Variants in C9 observed in about 807,000 individuals in gnomAD.
C9 encodes the protein complement C9.
A neutral mutation model predicts 65.4 loss-of-function variants in C9; 63 were observed. The observed-to-expected ratio is 0.96, with a 90% CI of 0.79 to 1.19. The LOEUF (loss-of-function observed/expected upper bound fraction) is 1.19. Ranked by LOEUF, C9 falls within the 50% of genes most tolerant of loss-of-function variation. C9 has a pLI of 0.00. For synonymous variants in C9, 229 were observed against 227.9 expected (o/e 1.00, Z -0.04); for missense variants, 744 against 670.1 (o/e 1.11, Z -1.22).
chr5:39,288,161 T>C (rs553808900), intron 10 of C9, among the ~76,000 whole-genome samples: 1 of 151,834 alleles, frequency 6.6e-6, no homozygotes, highest in African/African-American at 2.4e-5. Context: ...TACATACATA[T>C]TTAGTACAAG....
intron 5 of C9, among the ~76,000 whole-genome samples, chr5:39,317,332 G>A (rs145241951): frequency 0.029 from 4,485 of 152,194 alleles, 201 homozygotes; most frequent in African/African-American, 0.1. Context: ...CTTTTGCCGT[G>A]CAGAAGCTCT....
At chr5:39,296,678 C>T (rs1255765953) in intron 9 of C9, among the ~76,000 whole-genome samples, 1 of 151,296 alleles carries the variant, frequency 6.6e-6, no homozygotes, top group African/African-American at 2.4e-5. Flanking sequence ...ACAGTAGCCA[C>T]ATGGATAAAT....
intron 9 of C9, among the ~76,000 whole-genome samples, chr5:39,299,128 T>C (rs1753238245): frequency 6.6e-6 from 1 of 151,876 alleles, no homozygotes; most frequent in Non-Finnish European, 1.5e-5. Flanking sequence ...GACAATGCAA[T>C]AATGCAAGAA....
chr5:39,291,780 T>C (rs1389599361), intron 9 of C9, among the ~76,000 whole-genome samples: 1 of 151,788 alleles, frequency 6.6e-6, no homozygotes, highest in African/African-American at 2.4e-5. Context: ...ATAAAAAGCA[T>C]GATAAAAGAG....
intron 9 of C9, among the ~76,000 whole-genome samples, chr5:39,301,196 A>G (rs1356154704): frequency 1.3e-5 from 2 of 152,170 alleles, no homozygotes. Flanking sequence ...CTTCTGTAGT[A>G]TTCTTGCCAA....
chr5:39,308,777 T>C (rs1753425282), intron 7 of C9, among the ~76,000 whole-genome samples: 1 of 152,190 alleles, frequency 6.6e-6, no homozygotes, highest in South Asian at 2.1e-4. Context: ...GTCCATATTG[T>C]CCTCATTGTA....
intron 5 of C9, among the ~76,000 whole-genome samples, chr5:39,316,530 G>A (rs1315322584): frequency 6.6e-6 from 1 of 152,008 alleles, no homozygotes; most frequent in Non-Finnish European, 1.5e-5. Context: ...CCCAGTGAGT[G>A]TTTTTTCCCT....
chr5:39,295,356 A>T (rs1753166054), intron 9 of C9, among the ~76,000 whole-genome samples: 2 of 151,866 alleles, frequency 1.3e-5, no homozygotes, highest in Admixed American at 6.6e-5. Context: ...GACTTTAGTA[A>T]ATCTGCAGAA....
At chr5:39,319,112 G>C (rs1405370480) in intron 5 of C9, among the ~76,000 whole-genome samples, 1 of 151,832 alleles carries the variant, frequency 6.6e-6, no homozygotes, top group Non-Finnish European at 1.5e-5. Context: ...CAAAACATAG[G>C]CCTCAGGTTG....
intron 4 of C9, among the ~76,000 whole-genome samples, chr5:39,333,953 G>T (rs372990011): frequency 5.3e-5 from 8 of 152,246 alleles, no homozygotes; most frequent in African/African-American, 1.9e-4. Context: ...GCGTGATCTC[G>T]GCTCGCTGCA....
chr5:39,297,840 T>C (rs992840552), intron 9 of C9, among the ~76,000 whole-genome samples: 4 of 151,706 alleles, frequency 2.6e-5, no homozygotes, highest in African/African-American at 9.7e-5. Flanking sequence ...TATCAACTAA[T>C]TGACCTAACT....
intron 1 of C9, among the ~76,000 whole-genome samples, chr5:39,347,885 T>C (rs1347887946): frequency 6.6e-6 from 1 of 151,548 alleles, no homozygotes; most frequent in Non-Finnish European, 1.5e-5. Flanking sequence ...AACTATCTGA[T>C]CTTTGACAAA....
intron 9 of C9, among the ~76,000 whole-genome samples, chr5:39,306,308 G>A (rs1753375895): frequency 6.6e-6 from 1 of 152,146 alleles, no homozygotes; most frequent in Non-Finnish European, 1.5e-5. Context: ...GTTACAGTGT[G>A]TGCTGTATGC....
intron 1 of C9, among the ~76,000 whole-genome samples, chr5:39,362,346 A>T (rs1023797483): frequency 1.3e-5 from 2 of 152,210 alleles, no homozygotes; most frequent in Admixed American, 1.3e-4. Context: ...CAATGGGAAG[A>T]TGATGTGAAG....
intron 10 of C9, among the ~76,000 whole-genome samples, chr5:39,288,063 C>T (rs671895): frequency 0.4 from 60,326 of 151,648 alleles, 13,362 homozygotes; most frequent in Middle Eastern, 0.59. Context: ...AACACAAATA[C>T]AGTTAAAAAT....
In C9 at chr5:39,341,476, GA is replaced by G. The variant is rs1359411113; in HGVS notation, c.328+79del. 3.3e-6 allele frequency: 5 copies of G among 1,535,700 alleles called. No individual in the cohort carries two copies. The African/African-American group carries it at 6.8e-5, about 21-fold the overall frequency. On this transcript the variant is annotated intron_variant, in intron 3 of 10. Coordinates refer to ENST00000263408, the MANE Select transcript of C9 (RefSeq NM_001737.5). The stretch of plus-strand genomic sequence containing the variant: ...TCACGCTTGGAAATCCAAGTGTCCA[GA>G]AGCATATGCTTTTTTTTTTCTTTTC...
chr5:39,306,237 G>A (rs1753373831), intron 9 of C9, among the ~76,000 whole-genome samples: 1 of 151,922 alleles, frequency 6.6e-6, no homozygotes, highest in African/African-American at 2.4e-5. Flanking sequence ...GAACACCACG[G>A]GAAGGCAAGA....
At chr5:39,334,891 G>A (rs1753933647) in intron 4 of C9, among the ~76,000 whole-genome samples, 1 of 151,888 alleles carries the variant, frequency 6.6e-6, no homozygotes, top group Non-Finnish European at 1.5e-5. Context: ...GAAAGGTGGG[G>A]AAAAGATTGA....
intron 7 of C9, among the ~76,000 whole-genome samples, chr5:39,309,887 T>G (rs76274306): frequency 0.014 from 2,167 of 152,274 alleles, 25 homozygotes; most frequent in Admixed American, 0.021. Context: ...GAAGATTTCT[T>G]TGTGTTTTGA....
Sources: allele counts gnomAD v4.1 joint callset (sites outside exome capture counted in the v4.1 genomes callset), GRCh38; gene constraint gnomAD v4.1.1; transcripts MANE v1.5; gene names NCBI Gene and HGNC (gene_info 2026-07-23, HGNC 2026-07-21).